Variants in HIVEP3 observed in about 807,000 individuals in gnomAD.
The protein encoded by HIVEP3 is HIVEP zinc finger 3.
A neutral mutation model predicts 152.8 loss-of-function variants in HIVEP3; 49 were observed. The observed-to-expected ratio is 0.32, with a 90% CI of 0.26 to 0.41. The LOEUF is 0.41. Among genes scored for constraint, HIVEP3 ranks in the 10% least tolerant of loss-of-function variants. HIVEP3 has a pLI of 1.00. For synonymous variants in HIVEP3, 1,269 were observed against 1,289.0 expected (o/e 0.98, Z 0.33); for missense variants, 2,790 against 3,103.3 (o/e 0.90, Z 2.40).
chr1:41,716,847 A>C (rs901605225), intron 1 of HIVEP3, among the ~76,000 whole-genome samples: 1 of 152,200 alleles, frequency 6.6e-6, no homozygotes, highest in Non-Finnish European at 1.5e-5. Context: ...GCCAGGCTGC[A>C]TCAGACACCA....
At chr1:42,008,504 G>A (rs1411330739) in intron 1 of HIVEP3, among the ~76,000 whole-genome samples, 1 of 152,108 alleles carries the variant, frequency 6.6e-6, no homozygotes, top group Non-Finnish European at 1.5e-5. Context: ...TTTCTAAATC[G>A]GCTCCACAAT....
intron 3 of HIVEP3, among the ~76,000 whole-genome samples, chr1:41,611,891 C>G (rs753284025): frequency 1.3e-5 from 2 of 152,178 alleles, no homozygotes; most frequent in Non-Finnish European, 2.9e-5. Flanking sequence ...TGCCTGAGGT[C>G]GGCTCACCCC....
At chr1:41,993,701 A>G (rs1249258942) in intron 1 of HIVEP3, among the ~76,000 whole-genome samples, 10 of 151,538 alleles carry the variant, frequency 6.6e-5, no homozygotes, top group East Asian at 1.9e-4. Context: ...ACATGCACAC[A>G]TATGTTTATT....
chr1:41,529,636 C>G (rs1326815556), intron 5 of HIVEP3, among the ~76,000 whole-genome samples: 4 of 145,016 alleles, frequency 2.8e-5, no homozygotes, highest in Admixed American at 6.8e-5. Context: ...CCCCCACACC[C>G]TCACACACCC....
Position 41,584,612 on chromosome 1 carries a change from G to A in HIVEP3, c.186C>T (p.Pro62=), listed in dbSNP as rs773817543. 95 of 1,611,624 alleles carry A rather than the reference G, an allele frequency of 5.9e-5. No homozygotes were observed. The highest frequency in any genetic ancestry group is 7.9e-5 in the Non-Finnish European group (93 of 1,178,422). ...ELLAPQPFPG[P]SSVLREGSQE... The stretch of plus-strand genomic sequence containing the variant: ...GAGAGCCTTCCCTAAGAACTGATGA[G>A]GGGCCCGGGAAGGGCTGCGGGGCTA... Residue 62 remains proline, a synonymous_variant, in exon 4 of 9, where the codon CCC becomes CCT. Transcript: ENST00000372583. This position sits in a 1 kb window ranked among gnomAD's most constrained non-coding sequence, Gnocchi z 5.2.
chr1:42,017,123 A>T (rs1450682585), intron 1 of HIVEP3, among the ~76,000 whole-genome samples: 1 of 151,944 alleles, frequency 6.6e-6, no homozygotes, highest in Non-Finnish European at 1.5e-5. Context: ...CCTCATGTTG[A>T]TATTTATTTA....
At chr1:41,705,362 C>T (rs111664553) in intron 1 of HIVEP3, among the ~76,000 whole-genome samples, 56 of 152,356 alleles carry the variant, frequency 3.7e-4, no homozygotes, top group African/African-American at 1.3e-3. Context: ...AGAAGGACAG[C>T]TGTCAGCCCT....
intron 2 of HIVEP3, among the ~76,000 whole-genome samples, chr1:41,649,571 G>T (rs1056828924): frequency 3.3e-5 from 5 of 152,230 alleles, no homozygotes; most frequent in African/African-American, 1.2e-4. Context: ...CATTTCCTAT[G>T]AAATCTAAAT....
In HIVEP3 at chr1:41,581,730, G is replaced by A; in HGVS notation, c.3068C>T (p.Pro1023Leu). 1.9e-6 allele frequency: 3 copies of A among 1,609,472 alleles called. No individual in the cohort carries two copies. The highest frequency in any genetic ancestry group is 2.5e-6 in the Non-Finnish European group (3 of 1,178,314). The change falls in exon 4 of 9, where the codon CCT becomes CTT. Residue 1023 changes from proline (P) to leucine (L), a missense_variant. Pro to Leu is a moderately conservative substitution (Grantham distance 98). Around this residue, in one of 9 missense-constraint regions of HIVEP3, gnomAD observed 1,078 missense variants for 1,165.3 expected, o/e 0.93. Transcript: ENST00000372583. The surrounding 1 kb of genome is among the most constrained non-coding windows in gnomAD (Gnocchi z 4.5). ...FDYGSLSLTGPSAPAPVAPPA... is the reference protein window; with the variant it reads ...FDYGSLSLTGLSAPAPVAPPA... ...TGGAGCCACTGGGGCTGGAGCAGAAGGGCCTGTCAAGGACAAGCTGCCATA... is the reference window on the plus strand; with the variant it reads ...TGGAGCCACTGGGGCTGGAGCAGAAAGGCCTGTCAAGGACAAGCTGCCATA...
chr1:41,629,054 C>G (rs1487861684), intron 2 of HIVEP3, 107 bp from the exon 3 acceptor site: 1 of 737,732 alleles, frequency 1.4e-6, no homozygotes, highest in African/African-American at 1.8e-5. Flanking sequence ...CCCAACTACT[C>G]CCAAGCAGCT....
chr1:41,730,275 C>G (rs138327095), intron 1 of HIVEP3, among the ~76,000 whole-genome samples: 137 of 152,368 alleles, frequency 9.0e-4, no homozygotes, highest in Admixed American at 3.1e-3. Context: ...GCCTCTGCCC[C>G]TCACCTGTGG....
At chr1:41,629,793 G>A (rs1270903656) in intron 2 of HIVEP3, among the ~76,000 whole-genome samples, 4 of 152,202 alleles carry the variant, frequency 2.6e-5, no homozygotes, top group South Asian at 2.1e-4. Context: ...TGGCGAGACC[G>A]TGGAGAGAAG....
intron 3 of HIVEP3, among the ~76,000 whole-genome samples, chr1:41,626,655 T>C (rs558381498): frequency 2.4e-4 from 37 of 152,156 alleles, no homozygotes; most frequent in Non-Finnish European, 4.7e-4. Context: ...ACCCAGATCC[T>C]GTCCTGAGAC....
intron 1 of HIVEP3, among the ~76,000 whole-genome samples, chr1:41,939,800 C>T (rs1459354911): frequency 1.3e-5 from 2 of 152,020 alleles, no homozygotes; most frequent in Non-Finnish European, 2.9e-5. Flanking sequence ...CTAAGAAAAC[C>T]AAGACTCAGT....
At chr1:41,851,236 T>C (rs1643588324) in intron 1 of HIVEP3, among the ~76,000 whole-genome samples, 1 of 150,924 alleles carries the variant, frequency 6.6e-6, no homozygotes, top group Non-Finnish European at 1.5e-5. Flanking sequence ...CATATCTGTC[T>C]AATGAACAAA....
At chr1:41,985,391 G>A (rs544104832) in intron 1 of HIVEP3, among the ~76,000 whole-genome samples, 12 of 152,322 alleles carry the variant, frequency 7.9e-5, no homozygotes, top group African/African-American at 2.9e-4. Flanking sequence ...AGTTGTGGAG[G>A]CTGGAAGTCC....
chr1:41,989,889 G>C (rs369224751), intron 1 of HIVEP3, among the ~76,000 whole-genome samples: 3,633 of 143,156 alleles, frequency 0.025, 154 homozygotes, highest in African/African-American at 0.092. Flanking sequence ...TTGCCAGTCT[G>C]TGTCTTTTAA....
At chr1:41,920,133 C>T (rs1557522552), upstream of HIVEP3, among the ~76,000 whole-genome samples, 2 of 152,216 alleles carry the variant, frequency 1.3e-5, no homozygotes, top group Non-Finnish European at 2.9e-5. Flanking sequence ...TCTCTTCCTT[C>T]CCCTCTTCCA....
intron 1 of HIVEP3, among the ~76,000 whole-genome samples, chr1:41,982,204 G>A (rs1487710835): frequency 2.0e-5 from 3 of 152,206 alleles, no homozygotes; most frequent in African/African-American, 7.2e-5. Context: ...ACGTCAAAGG[G>A]GCTGGAAAGG....
Sources: gnomAD v4.1 joint callset for allele counts (sites outside exome capture counted in the v4.1 genomes callset) on GRCh38, gnomAD v4.1.1 for gene constraint, gnomAD v4.1.1 regional missense constraint, Gnocchi (gnomAD v3.1) non-coding constraint, MANE v1.5 for transcripts, NCBI Gene and HGNC (gene_info 2026-07-23, HGNC 2026-07-21) for gene names.